The following ARFGEF3 variants were observed in gnomAD, a reference collection of about 807,000 sequenced individuals.
ARFGEF3 encodes the protein brefeldin A-inhibited guanine nucleotide-exchange protein 3.
ARFGEF3 carries 96 observed loss-of-function variants against 221.7 expected under a neutral mutation model. The ratio of observed to expected loss-of-function variants is 0.43; its 90% CI spans 0.37 to 0.51. The LOEUF (loss-of-function observed/expected upper bound fraction) is 0.51. Among genes scored for constraint, ARFGEF3 ranks in the 20% least tolerant of loss-of-function variants. The pLI is 0.00. For missense variants in ARFGEF3, 2,410 were observed against 2,789.9 expected, an observed-to-expected ratio of 0.86 and a Z score of 3.07; for synonymous variants, 1,145 against 1,126.8, an observed-to-expected ratio of 1.02 and a Z score of -0.32.
At chr6:138,288,550 G>T (rs1329040322) in intron 17 of ARFGEF3, among the ~76,000 whole-genome samples, 1 of 151,884 alleles carries the variant, frequency 6.6e-6, no homozygotes, top group East Asian at 1.9e-4. Context: ...TTAGCTGGGC[G>T]TGGTGGTGGG....
At chr6:138,292,368 T>A (rs1455813722) in intron 19 of ARFGEF3, among the ~76,000 whole-genome samples, 1 of 151,974 alleles carries the variant, frequency 6.6e-6, no homozygotes, top group Non-Finnish European at 1.5e-5. Flanking sequence ...TTAAAAGTAA[T>A]TCTGTCACCG....
chr6:138,189,798 G>A (rs1777260348), intron 2 of ARFGEF3, among the ~76,000 whole-genome samples: 3 of 152,118 alleles, frequency 2.0e-5, no homozygotes, highest in Admixed American at 1.3e-4. Flanking sequence ...AAATGTATAT[G>A]GTCAGGAATG....
At chr6:138,270,597 A>G (rs552918983) in intron 12 of ARFGEF3, among the ~76,000 whole-genome samples, 1 of 152,322 alleles carries the variant, frequency 6.6e-6, no homozygotes, top group South Asian at 2.1e-4. Context: ...TGTAAGTATG[A>G]TAAACAGTAG....
chr6:138,334,094 G>A lies in ARFGEF3; in HGVS notation c.5248G>A (p.Val1750Met), dbSNP rs953678041. Reference sequence around the variant, plus strand: ...TCCTGGAGAGGAAAAGACGATACAAGTGCCAGAAGCCAAGCTGGCTGGCTT... The same window carrying A: ...TCCTGGAGAGGAAAAGACGATACAAATGCCAGAAGCCAAGCTGGCTGGCTT... ...PSPGEEKTIQ[V>M]PEAKLAGFLR... The change falls in exon 33 of 34, where the codon GTG becomes ATG. Residue 1750 changes from valine to methionine, a missense_variant. Val to Met is a conservative substitution (Grantham distance 21). This residue lies in a region of ARFGEF3 where 723 missense variants were observed against 991.9 expected (regional missense o/e 0.73). Transcript: ENST00000251691. The surrounding 1 kb of genome is among the most constrained non-coding windows in gnomAD (Gnocchi z 5.1). 4.3e-6 allele frequency: 7 copies of A among 1,613,870 alleles called. No homozygotes were observed. Among genetic ancestry groups the A allele is most frequent in the Non-Finnish European group, 5.9e-6 (7 of 1,179,894 alleles).
chr6:138,310,214 T>C (rs1378655109), intron 24 of ARFGEF3, among the ~76,000 whole-genome samples: 1 of 152,220 alleles, frequency 6.6e-6, no homozygotes, highest in Non-Finnish European at 1.5e-5. Flanking sequence ...GGCCACAGTC[T>C]AAATTTTGGG....
intron 23 of ARFGEF3, 98 bp downstream of exon 23, chr6:138,307,495 T>C: frequency 9.1e-7 from 1 of 1,104,338 alleles, no homozygotes; most frequent in Non-Finnish European, 1.3e-6. Flanking sequence ...GGAAGACAGA[T>C]TGTCAGCCAT....
chr6:138,335,995 GGC>G, intron 33 of ARFGEF3, among the ~76,000 whole-genome samples: 1 of 151,246 alleles, frequency 6.6e-6, no homozygotes, highest in Admixed American at 6.6e-5. Context: ...ACTGTGAGAA[GGC>G]AAGGGAGGTT....
intron 19 of ARFGEF3, 89 bp downstream of exon 19, chr6:138,292,142 C>T: frequency 9.1e-7 from 1 of 1,098,494 alleles, no homozygotes. Context: ...AGGGACGACC[C>T]ATTTGTTAGC....
intron 2 of ARFGEF3, among the ~76,000 whole-genome samples, chr6:138,196,908 ACCGCAACCT>A (rs951025680): frequency 4.0e-5 from 6 of 150,962 alleles, no homozygotes; most frequent in African/African-American, 1.5e-4. Flanking sequence ...ATCTCGGCTC[ACCGCAACCT>A]CCGCCTCCCG....
Position 138,334,615 on chromosome 6 carries a change from G to A in ARFGEF3, c.5769G>A (p.Glu1923=). Residue 1923 remains glutamate (E), a synonymous_variant, in exon 33 of 34, where the codon GAG becomes GAA. Coordinates refer to ENST00000251691, the MANE Select transcript of ARFGEF3 (RefSeq NM_020340.5). The surrounding 1 kb of genome is among the most constrained non-coding windows in gnomAD (Gnocchi z 5.1). The stretch of plus-strand genomic sequence containing the variant: ...ACATCCAGATGCACTTGGACCTGGA[G>A]AACTGTATGGAGGAGCCTCCCATCT... The part of the protein sequence containing the change: ...NNYIQMHLDL[E]NCMEEPPIFK... The A allele has an allele frequency of 6.2e-7, 1 of 1,613,624 alleles. No individual in the cohort carries two copies. Among genetic ancestry groups the A allele is most frequent in the Non-Finnish European group, 8.5e-7 (1 of 1,179,880 alleles).
At chr6:138,236,533 C>G (rs1052084209) in intron 5 of ARFGEF3, among the ~76,000 whole-genome samples, 1 of 152,170 alleles carries the variant, frequency 6.6e-6, no homozygotes, top group African/African-American at 2.4e-5. Flanking sequence ...ACTGGAGTGG[C>G]ACAATATCAC....
At chr6:138,301,543 A>G (rs1779628920) in intron 22 of ARFGEF3, among the ~76,000 whole-genome samples, 1 of 152,222 alleles carries the variant, frequency 6.6e-6, no homozygotes, top group South Asian at 2.1e-4. Flanking sequence ...GGAATCCTCA[A>G]TCTTGCTTGC....
At position 138,169,781 on chromosome 6, in the gene ARFGEF3, C is replaced by T. The variant is rs548464578; in HGVS notation, c.86-881C>T. 3.3e-5 allele frequency among the ~76,000 whole-genome samples: 5 copies of T among 152,364 alleles called. No homozygotes were observed. The South Asian group carries it at 8.3e-4, about 25-fold the overall frequency. On this transcript the variant is annotated intron_variant, in intron 1 of 33. Transcript: ENST00000251691. Reference sequence around the variant, plus strand: ...TTCTGAAATCCACTCTTTTGCCCCACTGGCCATATCAAGCCCAGATCCTAT... The same window carrying T: ...TTCTGAAATCCACTCTTTTGCCCCATTGGCCATATCAAGCCCAGATCCTAT...
At chr6:138,218,435 A>T (rs1274153288) in intron 4 of ARFGEF3, 1 of 1,484,776 alleles carries the variant, frequency 6.7e-7, no homozygotes, top group East Asian at 2.5e-5. Context: ...TGTAGCATAG[A>T]AGAATAATTT....
chr6:138,182,233 G>A (rs1414908907), intron 2 of ARFGEF3, among the ~76,000 whole-genome samples: 2 of 152,174 alleles, frequency 1.3e-5, no homozygotes, highest in Non-Finnish European at 2.9e-5. Flanking sequence ...TCACTATGGG[G>A]TATTAGCTCT....
At chr6:138,304,425 G>A (rs1779683493) in intron 22 of ARFGEF3, among the ~76,000 whole-genome samples, 1 of 152,046 alleles carries the variant, frequency 6.6e-6, no homozygotes, top group Admixed American at 6.6e-5. Flanking sequence ...TTAGATTGTG[G>A]TGATGTTTGC....
intron 31 of ARFGEF3, among the ~76,000 whole-genome samples, chr6:138,325,399 A>G (rs2114686329): frequency 6.6e-6 from 1 of 152,324 alleles, no homozygotes; most frequent in South Asian, 2.1e-4. Context: ...TTCTACCTTC[A>G]GTTTCTCACA....
intron 2 of ARFGEF3, among the ~76,000 whole-genome samples, chr6:138,190,810 C>T (rs1777290724): frequency 6.6e-6 from 1 of 152,178 alleles, no homozygotes; most frequent in Non-Finnish European, 1.5e-5. Context: ...CTTTTCAATA[C>T]TTTGGCTAAT....
At chr6:138,195,265 A>C (rs931368460) in intron 2 of ARFGEF3, among the ~76,000 whole-genome samples, 2 of 151,910 alleles carry the variant, frequency 1.3e-5, no homozygotes, top group Non-Finnish European at 2.9e-5. Context: ...CGGCCTCCCA[A>C]AGTGCCAGGA....
Sources: allele counts gnomAD v4.1 joint callset (sites outside exome capture counted in the v4.1 genomes callset), GRCh38; gene constraint gnomAD v4.1.1; regional missense constraint gnomAD v4.1.1; non-coding constraint Gnocchi (gnomAD v3.1); transcripts MANE v1.5; gene names NCBI Gene and HGNC (gene_info 2026-07-23, HGNC 2026-07-21).